FMN2: variants seen among roughly 807,000 people sequenced by gnomAD.
The protein encoded by FMN2 is formin-2.
In FMN2, 51 loss-of-function variants were observed where a neutral mutation model predicts 142.3. The observed-to-expected ratio is 0.36, with a 90% CI of 0.29 to 0.45. FMN2 has a LOEUF of 0.45. Among genes scored for constraint, FMN2 ranks in the 20% least tolerant of loss-of-function variants. The pLI is 1.00. For missense variants in FMN2, 1,936 were observed against 2,122.8 expected, an observed-to-expected ratio of 0.91 and a Z score of 1.73; for synonymous variants, 882 against 869.8, an observed-to-expected ratio of 1.01 and a Z score of -0.25.
intron 4 of FMN2, among the ~76,000 whole-genome samples, chr1:240,195,173 A>G (rs992925686): frequency 3.3e-5 from 5 of 152,206 alleles, no homozygotes; most frequent in Non-Finnish European, 7.4e-5. Context: ...TCATATTCAT[A>G]TGGTGCTTTC....
chr1:240,371,976 C>T (rs1672884520), intron 14 of FMN2, among the ~76,000 whole-genome samples: 1 of 152,166 alleles, frequency 6.6e-6, no homozygotes, highest in Non-Finnish European at 1.5e-5. Flanking sequence ...TGGCTCATGC[C>T]TGTAATCCCA....
At chr1:240,349,916 A>G (rs1440583194) in intron 13 of FMN2, among the ~76,000 whole-genome samples, 1 of 151,852 alleles carries the variant, frequency 6.6e-6, no homozygotes, top group Non-Finnish European at 1.5e-5. Flanking sequence ...TAATGTTTCT[A>G]AATGACCCTT....
At chr1:240,280,451 G>T (rs1028758149) in intron 7 of FMN2, among the ~76,000 whole-genome samples, 9 of 152,118 alleles carry the variant, frequency 5.9e-5, no homozygotes, top group Admixed American at 1.3e-4. Context: ...CAATATATAT[G>T]CTTACATTCA....
At chr1:240,182,773 G>A (rs1349460648) in intron 3 of FMN2, among the ~76,000 whole-genome samples, 1 of 152,162 alleles carries the variant, frequency 6.6e-6, no homozygotes, top group African/African-American at 2.4e-5. Context: ...AAAGGGGAAT[G>A]TGAGTGTCTT....
intron 15 of FMN2, among the ~76,000 whole-genome samples, chr1:240,405,051 T>TA (rs1674101501): frequency 6.6e-6 from 1 of 152,164 alleles, no homozygotes; most frequent in Non-Finnish European, 1.5e-5. Context: ...TTTGTTGGCC[T>TA]AGAACAGACT....
intron 14 of FMN2, among the ~76,000 whole-genome samples, chr1:240,366,992 G>A (rs1353644676): frequency 2.0e-5 from 3 of 152,100 alleles, no homozygotes; most frequent in Non-Finnish European, 2.9e-5. Context: ...CTTCTGCCTC[G>A]GAGGTAAAGT....
chr1:240,458,741 G>C (rs1021422070), intron 16 of FMN2: 2 of 152,210 alleles, frequency 1.3e-5, no homozygotes, highest in South Asian at 4.1e-4. Flanking sequence ...GAATCTGGCT[G>C]TCAGATGCAA....
intron 6 of FMN2, among the ~76,000 whole-genome samples, chr1:240,242,175 C>T (rs767550343): frequency 2.6e-5 from 4 of 152,104 alleles, no homozygotes; most frequent in Non-Finnish European, 5.9e-5. Flanking sequence ...AACTGGAACA[C>T]GTATGTCTTA....
chr1:240,423,635 A>G (rs1215799547), intron 15 of FMN2, among the ~76,000 whole-genome samples: 1 of 152,216 alleles, frequency 6.6e-6, no homozygotes, highest in Non-Finnish European at 1.5e-5. Flanking sequence ...GGGAGAAGAA[A>G]GTAGAGGAAA....
intron 8 of FMN2, 97 bp from the exon 9 acceptor site, chr1:240,328,979 G>T: frequency 9.9e-7 from 1 of 1,010,588 alleles, no homozygotes; most frequent in Non-Finnish European, 1.5e-6. Context: ...GCGTTTCGCT[G>T]TATTCAGATC....
chr1:240,362,700 T>C (rs963192196), intron 14 of FMN2, among the ~76,000 whole-genome samples: 16 of 152,210 alleles, frequency 1.1e-4, no homozygotes, highest in African/African-American at 3.9e-4. Flanking sequence ...CCTTCAGTGC[T>C]CCCTTAGTCA....
chr1:240,381,722 G>A (rs1019217333), intron 14 of FMN2, among the ~76,000 whole-genome samples: 3 of 152,056 alleles, frequency 2.0e-5, no homozygotes, highest in Non-Finnish European at 4.4e-5. Flanking sequence ...GAGCCACCCT[G>A]CCTGGCCAAT....
intron 14 of FMN2, among the ~76,000 whole-genome samples, chr1:240,377,311 G>A (rs1242092759): frequency 7.6e-6 from 1 of 132,402 alleles, no homozygotes; most frequent in Non-Finnish European, 1.7e-5. Context: ...TCAGTTAACA[G>A]GTTTTTTTTT....
At chr1:240,181,289 C>T (rs960403070) in intron 3 of FMN2, among the ~76,000 whole-genome samples, 1 of 152,212 alleles carries the variant, frequency 6.6e-6, no homozygotes, top group Non-Finnish European at 1.5e-5. Flanking sequence ...CAGGCGTGAG[C>T]CACTGCACTG....
intron 2 of FMN2, among the ~76,000 whole-genome samples, chr1:240,158,222 C>G (rs1045290308): frequency 3.3e-5 from 5 of 152,002 alleles, no homozygotes; most frequent in African/African-American, 1.2e-4. Context: ...AAAAACAAAA[C>G]CAAACCAAAA....
intron 8 of FMN2, among the ~76,000 whole-genome samples, chr1:240,317,663 T>G (rs538038033): frequency 1.3e-5 from 2 of 152,338 alleles, no homozygotes; most frequent in East Asian, 3.9e-4. Flanking sequence ...GCATTTGGGG[T>G]GTTTTGAGTT....
intron 15 of FMN2, among the ~76,000 whole-genome samples, chr1:240,434,877 A>C (rs943578066): frequency 1.3e-5 from 2 of 150,350 alleles, no homozygotes; most frequent in Non-Finnish European, 2.9e-5. Context: ...TAAAGTATTT[A>C]CACTTTCTTT....
intron 6 of FMN2, among the ~76,000 whole-genome samples, chr1:240,231,887 TC>T (rs1414401006): frequency 2.6e-5 from 4 of 152,216 alleles, no homozygotes; most frequent in Non-Finnish European, 4.4e-5. Context: ...ATCCCTCTGT[TC>T]TCCAAAGCGT....
At chr1:240,251,277 A>C (rs986400308) in intron 6 of FMN2, among the ~76,000 whole-genome samples, 1 of 151,518 alleles carries the variant, frequency 6.6e-6, no homozygotes, top group African/African-American at 2.4e-5. Flanking sequence ...TGTGTTTCCA[A>C]TTTCATTTGC....
Sources: allele counts gnomAD v4.1 joint callset (sites outside exome capture counted in the v4.1 genomes callset), GRCh38; gene constraint gnomAD v4.1.1; transcripts MANE v1.5; gene names NCBI Gene and HGNC (gene_info 2026-07-23, HGNC 2026-07-21).